Variants in MYO9A observed in about 807,000 individuals in gnomAD.
The protein encoded by MYO9A is myosin IXA.
Under a neutral mutation model 293.3 loss-of-function variants are expected in MYO9A, and 103 were observed. The observed-to-expected ratio is 0.35, with a 90% confidence interval of 0.30 to 0.41. MYO9A has a LOEUF of 0.41. Among genes scored for constraint, MYO9A ranks in the 10% least tolerant of loss-of-function variants. The pLI is 1.00. For synonymous variants in MYO9A, 1,001 were observed against 1,035.7 expected, an observed-to-expected ratio of 0.97 and a Z score of 0.64; for missense variants, 2,685 against 3,033.0, an observed-to-expected ratio of 0.89 and a Z score of 2.69.
Position 72,058,045 on chromosome 15 carries a change from C to T in MYO9A, c.-71-11411G>A, listed in dbSNP as rs79898789. Among the ~76,000 whole-genome samples the T allele has an allele frequency of 5.3e-3, 808 of 152,280 alleles. 9 individuals carry two copies. The highest frequency in any genetic ancestry group is 0.019 in the African/African-American group (770 of 41,546). On this transcript the variant is annotated intron_variant, in intron 1 of 41. Transcript: ENST00000356056. Reference sequence around the variant, plus strand: ...ACAACCTAAACTCAAGAACCAAATACGTTTGAGTAAACTTCTGGAATTTCC... The same window carrying T: ...ACAACCTAAACTCAAGAACCAAATATGTTTGAGTAAACTTCTGGAATTTCC...
intron 27 of MYO9A, among the ~76,000 whole-genome samples, chr15:71,886,457 A>C (rs1371947156): frequency 6.6e-6 from 1 of 152,104 alleles, no homozygotes; most frequent in Non-Finnish European, 1.5e-5. Flanking sequence ...GTATATAAAC[A>C]GTCATTAAAT....
intron 32 of MYO9A, among the ~76,000 whole-genome samples, chr15:71,870,863 A>G (rs1407434606): frequency 6.6e-6 from 1 of 152,196 alleles, no homozygotes; most frequent in East Asian, 1.9e-4. Context: ...TTTTGGATTC[A>G]TAGTTGGTTG....
intron 12 of MYO9A, among the ~76,000 whole-genome samples, chr15:71,973,635 GAAC>G (rs1197093057): frequency 3.3e-5 from 5 of 152,092 alleles, no homozygotes; most frequent in Non-Finnish European, 7.3e-5. Flanking sequence ...ATGCCAAGCA[GAAC>G]AACCCAGATG....
In MYO9A at chr15:72,073,689, A is replaced by T. The variant is rs183745973; in HGVS notation, c.-71-27055T>A. 2.0e-5 allele frequency among the ~76,000 whole-genome samples: 3 copies of T among 152,348 alleles called. No homozygotes were observed. The East Asian group carries it at 5.8e-4, about 29-fold the overall frequency. ...CTGATATACAGTAATCTTCTGATATAATTTGATATACAGTAATTTGGATAA... is the reference window on the plus strand; with the variant it reads ...CTGATATACAGTAATCTTCTGATATTATTTGATATACAGTAATTTGGATAA... On this transcript the variant is annotated intron_variant, in intron 1 of 41. Transcript: ENST00000356056.
intron 19 of MYO9A, among the ~76,000 whole-genome samples, chr15:71,905,515 T>C (rs2057605184): frequency 6.6e-6 from 1 of 152,124 alleles, no homozygotes. Context: ...CCAGGCATGG[T>C]GGCTCACGCC....
At position 71,825,207 on chromosome 15, in the gene MYO9A, G is replaced by C. The variant is rs1221509330; in HGVS notation, c.*1373C>G. On this transcript the variant is annotated 3_prime_UTR_variant, in exon 42 of 42. Coordinates refer to ENST00000356056, the MANE Select transcript of MYO9A (RefSeq NM_006901.4). The stretch of plus-strand genomic sequence containing the variant: ...AAATGCTATTATAACTCATGTGTAT[G>C]AAGACCACCCAGTGGTGAAAATGAT... 6.6e-6 allele frequency: 1 copy of C among 152,134 alleles called. No individual in the cohort carries two copies. Among genetic ancestry groups the C allele is most frequent in the African/African-American group, 2.4e-5 (1 of 41,432 alleles). The allele number at this position is 152,134 out of a possible 1,614,324, so 9.4% of individuals were successfully genotyped here. A position where few individuals can be genotyped will look rare whatever the true frequency, so the allele number is the denominator to read the frequency against.
chr15:72,011,608 T>A (rs1463128983), intron 6 of MYO9A, among the ~76,000 whole-genome samples: 1 of 151,518 alleles, frequency 6.6e-6, no homozygotes, highest in African/African-American at 2.4e-5. Flanking sequence ...AAAAAAAAAA[T>A]TGTTGTGGAA....
rs1193333499 is a variant in MYO9A, at chr15:71,887,996, C to T, written c.5255+8G>A. 6.7e-7 allele frequency: 1 copy of T among 1,484,362 alleles called. No individual in the cohort carries two copies. The highest frequency in any genetic ancestry group is 2.3e-5 in the East Asian group (1 of 43,600). 91.9% of individuals were successfully genotyped at this position (1,484,362 alleles called of 1,614,324 possible). ...ATAACCCCTGTTAACTCCGTGTATA[C>T]TTTATACCTTATATCTGAATCTGAA... is the stretch of plus-strand genomic sequence containing the variant. On this transcript the variant is annotated splice_region_variant and intron_variant, in intron 27 of 41. Transcript: ENST00000356056.
At chr15:71,939,341 C>T (rs2929511) in intron 15 of MYO9A, among the ~76,000 whole-genome samples, 100,989 of 152,006 alleles carry the variant, frequency 0.66, 34,260 homozygotes, top group Middle Eastern at 0.74. Flanking sequence ...ATTTTTTCTG[C>T]TCCTCTCCCT....
At chr15:72,064,504 T>C (rs2078964303) in intron 1 of MYO9A, among the ~76,000 whole-genome samples, 2 of 152,130 alleles carry the variant, frequency 1.3e-5, no homozygotes, top group Non-Finnish European at 2.9e-5. Context: ...GAAGAAGGGA[T>C]TGACTGAAAC....
chr15:71,900,052 C>G (rs1453770173), intron 23 of MYO9A, 46 bp from the exon 24 acceptor site: 1 of 1,500,368 alleles, frequency 6.7e-7, no homozygotes, highest in East Asian at 2.3e-5. Flanking sequence ...ATATCTTACA[C>G]TGCATTTTCA....
chr15:72,114,157 C>A (rs1265803503), intron 1 of MYO9A: 2 of 152,088 alleles, frequency 1.3e-5, no homozygotes, highest in African/African-American at 4.8e-5. Flanking sequence ...TTCCTGGGTT[C>A]CCTTGTGTAT....
intron 39 of MYO9A, 150 bp downstream of exon 39, chr15:71,848,695 G>A (rs749150902): frequency 1.1e-5 from 9 of 801,064 alleles, no homozygotes; most frequent in Admixed American, 1.0e-4. Flanking sequence ...GATTAAACAT[G>A]AGGAATCCAT....
intron 1 of MYO9A, among the ~76,000 whole-genome samples, chr15:72,073,778 A>G (rs985866319): frequency 2.6e-5 from 4 of 152,218 alleles, no homozygotes; most frequent in African/African-American, 7.2e-5. Context: ...GCCACCAATG[A>G]TAAGTATTAT....
intron 3 of MYO9A, among the ~76,000 whole-genome samples, chr15:72,028,995 T>C (rs973557055): frequency 1.3e-5 from 2 of 152,204 alleles, no homozygotes; most frequent in Non-Finnish European, 2.9e-5. Flanking sequence ...GGGCTTATTG[T>C]AGAGCAATGA....
chr15:72,048,651 T>C (rs1244001390), intron 1 of MYO9A, among the ~76,000 whole-genome samples: 3 of 152,176 alleles, frequency 2.0e-5, no homozygotes, highest in Non-Finnish European at 4.4e-5. Flanking sequence ...AATTTTGGTA[T>C]CTGAAGGGCA....
intron 16 of MYO9A, among the ~76,000 whole-genome samples, chr15:71,935,858 A>G (rs2058625390): frequency 6.6e-6 from 1 of 151,550 alleles, no homozygotes; most frequent in Non-Finnish European, 1.5e-5. Context: ...CTAATACACT[A>G]TCCCATCCTA....
chr15:71,888,295 T>C, intron 26 of MYO9A, 179 bp from the exon 27 acceptor site: 1 of 366,536 alleles, frequency 2.7e-6, no homozygotes, highest in Non-Finnish European at 4.9e-6. Flanking sequence ...TAATCTGAAA[T>C]AAAGATGACT....
chr15:72,097,342 G>A (rs973859629), intron 1 of MYO9A, among the ~76,000 whole-genome samples: 2 of 152,136 alleles, frequency 1.3e-5, no homozygotes, highest in Non-Finnish European at 2.9e-5. Flanking sequence ...CCAGCAAAAA[G>A]ATTACAATTC....
Sources: gnomAD v4.1 joint callset for allele counts (sites outside exome capture counted in the v4.1 genomes callset) on GRCh38, gnomAD v4.1.1 for gene constraint, MANE v1.5 for transcripts, NCBI Gene and HGNC (gene_info 2026-07-23, HGNC 2026-07-21) for gene names.